POLE: variants seen among roughly 807,000 people sequenced by gnomAD.
The protein encoded by POLE is DNA polymerase epsilon catalytic subunit A.
POLE carries 188 observed loss-of-function variants against 279.2 expected under a neutral mutation model. The observed-to-expected ratio is 0.67, with a 90% CI of 0.60 to 0.76. The LOEUF is 0.76. POLE is among the 30% of genes least tolerant of loss of function. POLE has a pLI of 0.00. For missense variants in POLE, 2,703 were observed against 3,016.7 expected (o/e 0.90, Z 2.44); for synonymous variants, 1,214 against 1,172.5 (o/e 1.04, Z -0.72).
At chr12:132,643,017 TC>T (rs1298388416) in intron 35 of POLE, 21 bp from the exon 36 acceptor site, 1 of 1,574,910 alleles carries the variant, frequency 6.3e-7, no homozygotes, top group Admixed American at 1.9e-5. Context: ...GCAGGCCACG[TC>T]AGCCTCCCCC....
At chr12:132,686,803 G>A (rs1030491089) in intron 1 of POLE, among the ~76,000 whole-genome samples, 4 of 152,146 alleles carry the variant, frequency 2.6e-5, no homozygotes, top group African/African-American at 9.6e-5. Context: ...AGGATCCTGG[G>A]CTCCAGCGAT....
At chr12:132,666,715 G>A (rs1408612275) in intron 20 of POLE, among the ~76,000 whole-genome samples, 2 of 152,230 alleles carry the variant, frequency 1.3e-5, no homozygotes, top group South Asian at 2.1e-4. Flanking sequence ...AGGGGCCAGG[G>A]AGGAGGTGGG....
In POLE at chr12:132,672,757, T is replaced by C; in HGVS notation, c.1556A>G (p.Lys519Arg). Residue 519 changes from lysine (K) to arginine (R), a missense_variant, in exon 15 of 49, where the codon AAG becomes AGG. Transcript: ENST00000320574. ...CAGCTTATTGAACTCCTGCTCTTGC[T>C]TGTTGGGGAAGATGATGTTGGCGTG... ...AFHANIIFPN[K>R]QEQEFNKLTD... The C allele has an allele frequency of 1.2e-6, 2 of 1,614,178 alleles. No homozygotes were observed. Among genetic ancestry groups the C allele is most frequent in the Non-Finnish European group, 1.7e-6 (2 of 1,180,020 alleles).
intron 32 of POLE, among the ~76,000 whole-genome samples, chr12:132,645,790 A>C (rs1039158549): frequency 3.6e-5 from 4 of 112,532 alleles, no homozygotes; most frequent in Non-Finnish European, 5.2e-5. Context: ...AGACCGACAC[A>C]CACACACACC....
In POLE at chr12:132,671,939, T is replaced by C. The variant is rs376306878; in HGVS notation, c.1794+276A>G. Among the ~76,000 whole-genome samples the C allele has an allele frequency of 3.3e-4, 50 of 152,268 alleles. 1 individual carries two copies. In the East Asian group the frequency reaches 5.8e-3, roughly 18 times the overall value. Reference sequence around the variant, plus strand: ...CAGTGCCTATAAAATAAAGTCCTAATGCTTTAAAACAGGACACGGGATACA... The same window carrying C: ...CAGTGCCTATAAAATAAAGTCCTAACGCTTTAAAACAGGACACGGGATACA... On this transcript the variant is annotated intron_variant, in intron 16 of 48. Coordinates refer to ENST00000320574, the MANE Select transcript of POLE (RefSeq NM_006231.4).
At chr12:132,641,623 ACT>A (rs2042142982) in intron 39 of POLE, 22 bp downstream of exon 39, 1 of 1,597,430 alleles carries the variant, frequency 6.3e-7, no homozygotes, top group African/African-American at 1.3e-5. Context: ...TATTAGTAAC[ACT>A]CCTTCCCAGA....
rs761933156 is a variant in POLE at position 132,624,069 on chromosome 12, G to A, written c.*628C>T. On this transcript the variant is annotated 3_prime_UTR_variant, in exon 49 of 49. Transcript: ENST00000320574. Reference sequence around the variant, plus strand: ...AGGTGCACAGAGGTCTTGTTTTCCTGAGGCTGATAGAGGGTTCCCTCTAGA... The same window carrying A: ...AGGTGCACAGAGGTCTTGTTTTCCTAAGGCTGATAGAGGGTTCCCTCTAGA... 3 of 206,856 alleles carry A rather than the reference G, an allele frequency of 1.5e-5. No homozygotes were observed. The highest frequency in any genetic ancestry group is 7.4e-5 in the East Asian group (1 of 13,598). 12.8% of individuals were successfully genotyped at this position (206,856 alleles called of 1,614,324 possible). A position where few individuals can be genotyped will look rare whatever the true frequency, so the allele number is the denominator to read the frequency against.
At position 132,672,619 on chromosome 12, in the gene POLE, A is replaced by C. The variant is rs779344724; in HGVS notation, c.1686+8T>G. ...GGGAAGAATCTGAATCCCAGGGAAG[A>C]AGCACACCATCCTAAACCGGCAAGG... On this transcript the variant is annotated splice_region_variant and intron_variant, in intron 15 of 48. Coordinates refer to ENST00000320574, the MANE Select transcript of POLE (RefSeq NM_006231.4). 11 of 1,613,374 alleles carry C rather than the reference A, an allele frequency of 6.8e-6. No homozygotes were observed. Among genetic ancestry groups the C allele is most frequent in the Non-Finnish European group, 9.3e-6 (11 of 1,179,506 alleles).
rs1593069244 is a variant in POLE at position 132,672,226 on chromosome 12, T to C, written c.1783A>G (p.Asn595Asp). 3 of 1,613,248 alleles carry C rather than the reference T, an allele frequency of 1.9e-6. No homozygotes were observed. Among genetic ancestry groups the C allele is most frequent in the African/African-American group, 1.3e-5 (1 of 75,004 alleles). Residue 595 changes from asparagine to aspartate, a missense_variant, in exon 16 of 49, where the codon AAC (asparagine) becomes GAC (aspartate). Coordinates refer to ENST00000320574, the MANE Select transcript of POLE (RefSeq NM_006231.4). Reference protein sequence around the residue: ...EEKVPVEQVTNFEEVCDEIKS... With the variant: ...EEKVPVEQVTDFEEVCDEIKS... Reference sequence around the variant, plus strand: ...TCCCTGATGGTTACCTCTTCAAAGTTGGTGACTTGCTCCACAGGCACTTTC... The same window carrying C: ...TCCCTGATGGTTACCTCTTCAAAGTCGGTGACTTGCTCCACAGGCACTTTC...
rs1266015028 is a variant in POLE, at chr12:132,675,793, G to T, written c.1048C>A (p.His350Asn). 2 of 1,614,138 alleles carry T rather than the reference G, an allele frequency of 1.2e-6. No individual in the cohort carries two copies. Among genetic ancestry groups the T allele is most frequent in the South Asian group, 2.2e-5 (2 of 91,088 alleles). Residue 350 changes from histidine (H) to asparagine (N), a missense_variant, in exon 11 of 49, where the codon CAC (histidine) becomes AAC (asparagine). Coordinates refer to ENST00000320574, the MANE Select transcript of POLE (RefSeq NM_006231.4). The surrounding 1 kb of genome is among the most constrained non-coding windows in gnomAD (Gnocchi z 4.3). The stretch of plus-strand genomic sequence containing the variant: ...ATGGTGGGTTTGGTCTCCTGGACGT[G>T]TTCAAACCACCTTTGGATCAGATGA... ...EAHLIQRWFEHVQETKPTIMV... is the reference protein window; with the variant it reads ...EAHLIQRWFENVQETKPTIMV...
rs2042087398 is a variant in POLE at position 132,639,005 on chromosome 12, A to T, written c.5552+120T>A. 1.2e-6 allele frequency: 1 copy of T among 865,484 alleles called. No homozygotes were observed. 53.6% of individuals were successfully genotyped at this position (865,484 alleles called of 1,614,324 possible). ...GATCCTTTGGATTGTTATGCTCCAC[A>T]AACTCAGAAATACACTACTTATCCC... On this transcript the variant is annotated intron_variant, in intron 40 of 48. Transcript: ENST00000320574. This position sits in a 1 kb window ranked among gnomAD's most constrained non-coding sequence, Gnocchi z 4.7.
At chr12:132,666,641 G>A (rs1006057484) in intron 20 of POLE, among the ~76,000 whole-genome samples, 1 of 152,210 alleles carries the variant, frequency 6.6e-6, no homozygotes, top group Admixed American at 6.5e-5. Flanking sequence ...AATACTGCAC[G>A]GTTCACTTAC....
At chr12:132,652,730 C>T (rs1226114544) in intron 29 of POLE, among the ~76,000 whole-genome samples, 2 of 152,184 alleles carry the variant, frequency 1.3e-5, no homozygotes, top group African/African-American at 4.8e-5. Flanking sequence ...CGATCTGTGA[C>T]CTACCAACTT....
intron 41 of POLE, among the ~76,000 whole-genome samples, chr12:132,637,166 T>G (rs1292662397): frequency 6.6e-6 from 1 of 152,264 alleles, no homozygotes; most frequent in South Asian, 2.1e-4. Context: ...AGTGCTTTTG[T>G]GTTTCAAATT....
chr12:132,624,924 G>A lies in POLE; in HGVS notation c.6728C>T (p.Ala2243Val), dbSNP rs777338519. 1 of 1,613,988 alleles carries A rather than the reference G, an allele frequency of 6.2e-7. No individual in the cohort carries two copies. Among genetic ancestry groups the A allele is most frequent in the African/African-American group, 1.3e-5 (1 of 75,050 alleles). The change falls in exon 48 of 49, where the codon GCC becomes GTC. Residue 2243 changes from alanine (A) to valine (V), a missense_variant. Around this residue, in one of 5 missense-constraint regions of POLE, gnomAD observed 1,551 missense variants for 1,686.1 expected, o/e 0.92. Transcript: ENST00000320574. The stretch of plus-strand genomic sequence containing the variant: ...GCCCACCTGGGTGTGGATGGTGAGG[G>A]CGAAGTCTCCCGCGCAGCTGCAGTA... ...PVYCSCAGDFALTIHTQVFME... is the reference protein window; with the variant it reads ...PVYCSCAGDFVLTIHTQVFME...
chr12:132,635,979 A>G lies in POLE; in HGVS notation c.5724T>C (p.Ser1908=), dbSNP rs930419326. ...ETFHSLTISF[S]RCWEFLLWMD... ...TCCAGAGAAGAAATTCCCAGCATCGAGAGAAAGAAATTGTCAGAGAATGGA... is the reference window on the plus strand; with the variant it reads ...TCCAGAGAAGAAATTCCCAGCATCGGGAGAAAGAAATTGTCAGAGAATGGA... The change falls in exon 42 of 49, where the codon TCT becomes TCC. Residue 1908 remains serine (S), a synonymous_variant. Coordinates refer to ENST00000320574, the MANE Select transcript of POLE (RefSeq NM_006231.4). The G allele has an allele frequency of 1.2e-6, 2 of 1,614,066 alleles. No individual in the cohort carries two copies. Among genetic ancestry groups the G allele is most frequent in the African/African-American group, 2.7e-5 (2 of 75,050 alleles).
At chr12:132,669,285 T>G (rs968850238) in intron 16 of POLE, among the ~76,000 whole-genome samples, 7 of 151,786 alleles carry the variant, frequency 4.6e-5, no homozygotes, top group African/African-American at 1.7e-4. Context: ...AGCAACACAG[T>G]GGGACCCCCG....
At chr12:132,672,146 G>A (rs987338566) in intron 16 of POLE, 69 bp downstream of exon 16, 4 of 1,073,562 alleles carry the variant, frequency 3.7e-6, no homozygotes, top group African/African-American at 1.5e-5. Flanking sequence ...TAAACGTGCT[G>A]CTGAAAGACG....
At chr12:132,682,311 A>AAAAT (rs200288912) in intron 1 of POLE, among the ~76,000 whole-genome samples, 85 of 74,452 alleles carry the variant, frequency 1.1e-3, no homozygotes, top group African/African-American at 2.6e-3. Flanking sequence ...AAAATAAATA[A>AAAAT]AAATAAATAA....
Sources: allele counts gnomAD v4.1 joint callset (sites outside exome capture counted in the v4.1 genomes callset), GRCh38; gene constraint gnomAD v4.1.1; regional missense constraint gnomAD v4.1.1; non-coding constraint Gnocchi (gnomAD v3.1); transcripts MANE v1.5; gene names NCBI Gene and HGNC (gene_info 2026-07-23, HGNC 2026-07-21).